SUCO: variants seen among roughly 807,000 people sequenced by gnomAD.
SUCO encodes the protein SUN domain containing ossification factor.
A neutral mutation model predicts 148.1 loss-of-function variants in SUCO; 57 were observed. The observed-to-expected ratio is 0.38, with a 90% CI of 0.31 to 0.48. SUCO has a LOEUF of 0.48. Among genes scored for constraint, SUCO ranks in the 20% least tolerant of loss-of-function variants. The pLI is 0.96. For synonymous variants in SUCO, 470 were observed against 502.7 expected (o/e 0.93, Z 0.87); for missense variants, 1,331 against 1,468.2 (o/e 0.91, Z 1.53).
intron 1 of SUCO, among the ~76,000 whole-genome samples, chr1:172,539,985 T>A (rs188702855): frequency 9.8e-5 from 15 of 152,364 alleles, no homozygotes; most frequent in Admixed American, 7.2e-4. Context: ...TTTCTTTTCA[T>A]TGTTAATATG....
At chr1:172,608,696 A>T (rs1395875229) in intron 22 of SUCO, 51 bp from the exon 23 acceptor site, 2 of 1,254,790 alleles carry the variant, frequency 1.6e-6, no homozygotes, top group African/African-American at 3.1e-5. Context: ...TAGCAAATCC[A>T]CCAAATCCAC....
intron 7 of SUCO, among the ~76,000 whole-genome samples, chr1:172,569,737 T>C (rs1471397746): frequency 2.0e-5 from 3 of 152,064 alleles, no homozygotes; most frequent in Non-Finnish European, 4.4e-5. Context: ...ACATCCTTAA[T>C]AGATGTTTAT....
chr1:172,573,645 TTA>T (rs1491343535), intron 9 of SUCO, among the ~76,000 whole-genome samples: 6 of 152,066 alleles, frequency 3.9e-5, no homozygotes, highest in African/African-American at 1.2e-4. Context: ...AAAGGAATTT[TTA>T]AAAAAAAATG....
At position 172,589,355 on chromosome 1, in the gene SUCO, T is replaced by C. The variant is rs762490565; in HGVS notation, c.2254T>C (p.Ser752Pro). 3 of 1,613,640 alleles carry C rather than the reference T, an allele frequency of 1.9e-6. No individual in the cohort carries two copies. The highest frequency in any genetic ancestry group is 2.2e-5 in the South Asian group (2 of 91,054). The change falls in exon 18 of 24, where the codon TCT (serine) becomes CCT (proline). Residue 752 changes from serine to proline, a missense_variant. Physicochemically the swap from Ser to Pro is moderately conservative, Grantham distance 74 (BLOSUM62 -1). This residue lies in a region of SUCO where 992 missense variants were observed against 1,093.5 expected (regional missense o/e 0.91). Transcript: ENST00000263688. Reference protein sequence around the residue: ...NPLPKIEVSESVEYEAGHIPS... With the variant: ...NPLPKIEVSEPVEYEAGHIPS... ...CTTGCCTAAAATAGAAGTATCTGAG[T>C]CTGTTGAATATGAGGCAGGACATAT... is the stretch of plus-strand genomic sequence containing the variant.
intron 19 of SUCO, 31 bp downstream of exon 19, chr1:172,591,102 A>G: frequency 1.3e-6 from 2 of 1,534,620 alleles, no homozygotes; most frequent in African/African-American, 1.4e-5. Context: ...TTTACTTTTT[A>G]TATAAATTTC....
chr1:172,588,360 G>A (rs1430909216), intron 17 of SUCO: 2 of 985,158 alleles, frequency 2.0e-6, no homozygotes, highest in East Asian at 2.3e-4. Flanking sequence ...TATTAAGCTA[G>A]CTCTTAGTTG....
At chr1:172,597,540 GTAGA>G (rs1348540628) in intron 19 of SUCO, among the ~76,000 whole-genome samples, 1 of 151,984 alleles carries the variant, frequency 6.6e-6, no homozygotes, top group Non-Finnish European at 1.5e-5. Flanking sequence ...TTTTTTTAAT[GTAGA>G]TAATCTTATT....
chr1:172,556,711 C>T lies in SUCO; in HGVS notation c.444-569C>T. 4 of 984,790 alleles carry T rather than the reference C, an allele frequency of 4.1e-6. No individual in the cohort carries two copies. In the South Asian group the frequency reaches 1.9e-4, roughly 46 times the overall value. 61.0% of individuals were successfully genotyped at this position (984,790 alleles called of 1,614,324 possible). On this transcript the variant is annotated intron_variant, in intron 4 of 23. Transcript: ENST00000263688. Reference sequence around the variant, plus strand: ...ATTTAGAAGCTTGTCTCAGTATGGGCCAGGGAACAGAAGACATGTTGAGAA... The same window carrying T: ...ATTTAGAAGCTTGTCTCAGTATGGGTCAGGGAACAGAAGACATGTTGAGAA...
At chr1:172,564,154 G>A (rs183755767) in intron 6 of SUCO, among the ~76,000 whole-genome samples, 265 of 152,390 alleles carry the variant, frequency 1.7e-3, no homozygotes, top group Non-Finnish European at 3.2e-3. Flanking sequence ...GGACAGAGCC[G>A]TCATGGAGAA....
At chr1:172,546,188 C>G (rs1652844157) in intron 1 of SUCO, among the ~76,000 whole-genome samples, 1 of 152,080 alleles carries the variant, frequency 6.6e-6, no homozygotes. Flanking sequence ...TTTGTCCATA[C>G]TCTTGGATTA....
chr1:172,557,860 T>A, intron 6 of SUCO, 66 bp downstream of exon 6: 1 of 1,246,984 alleles, frequency 8.0e-7, no homozygotes, highest in Non-Finnish European at 1.1e-6. Context: ...TAGCTAAGCT[T>A]ATAATAATTT....
upstream of SUCO, chr1:172,532,831 A>C: frequency 3.8e-6 from 6 of 1,564,290 alleles, no homozygotes; most frequent in Non-Finnish European, 5.2e-6. Flanking sequence ...GCTGAGGATC[A>C]CTGGGCTCCT....
chr1:172,562,327 A>ATTTTTTTTTTTTTTTTTTTTTTTT (rs34871543), intron 6 of SUCO, among the ~76,000 whole-genome samples: 10 of 137,706 alleles, frequency 7.3e-5, no homozygotes, highest in Non-Finnish European at 1.1e-4. Flanking sequence ...GGGTTTTAAC[A>ATTTTTTTTTTTTTTTTTTTTTTTT]TTTTTTTTTT....
Position 172,570,759 on chromosome 1 carries a change from A to T in SUCO, c.1049+29A>T, listed in dbSNP as rs764843354. 3.1e-6 allele frequency: 4 copies of T among 1,306,982 alleles called. No individual in the cohort carries two copies. The Admixed American group carries it at 7.0e-5, about 23-fold the overall frequency. 81.0% of individuals were successfully genotyped at this position (1,306,982 alleles called of 1,614,324 possible). ...AGTTATACACAATTTTAAAAAGTACATTCTACATATATATGCATATTATGT... is the reference window on the plus strand; with the variant it reads ...AGTTATACACAATTTTAAAAAGTACTTTCTACATATATATGCATATTATGT... On this transcript the variant is annotated intron_variant, in intron 9 of 23. Coordinates refer to ENST00000263688, the MANE Select transcript of SUCO (RefSeq NM_014283.5).
intron 15 of SUCO, 26 bp from the exon 16 acceptor site, chr1:172,584,992 C>A: frequency 1.4e-6 from 2 of 1,476,478 alleles, no homozygotes; most frequent in Admixed American, 1.8e-5. Flanking sequence ...GTATTTGGTA[C>A]TTTTTCTGAT....
chr1:172,533,815 C>T (rs895478091), intron 1 of SUCO, among the ~76,000 whole-genome samples: 1 of 152,108 alleles, frequency 6.6e-6, no homozygotes, highest in African/African-American at 2.4e-5. Context: ...GGTGGGTGTT[C>T]AGATTGATGG....
At chr1:172,609,374 C>A in intron 23 of SUCO, 6 of 976,442 alleles carry the variant, frequency 6.1e-6, no homozygotes, top group Non-Finnish European at 7.3e-6. Flanking sequence ...AGGCAAATAG[C>A]CTAAGATTCA....
In SUCO at chr1:172,609,971, A is replaced by G; in HGVS notation, c.3477A>G (p.Lys1159=). 1 of 1,613,978 alleles carries G rather than the reference A, an allele frequency of 6.2e-7. No homozygotes were observed. Among genetic ancestry groups the G allele is most frequent in the South Asian group, 1.1e-5 (1 of 91,082 alleles). ...NMGEVYHSSY[K]GPPSEGSSET... ...GAGAAGTTTATCACTCTTCTTATAA[A>G]GGTCCTCCATCTGAAGGAAGCTCAG... The change falls in exon 24 of 24, where the codon AAA becomes AAG. Residue 1159 remains lysine (K), a synonymous_variant. Coordinates refer to ENST00000263688, the MANE Select transcript of SUCO (RefSeq NM_014283.5).
chr1:172,590,006 G>A lies in SUCO; in HGVS notation c.2825+80G>A, dbSNP rs1263341758. On this transcript the variant is annotated intron_variant, in intron 18 of 23. Coordinates refer to ENST00000263688, the MANE Select transcript of SUCO (RefSeq NM_014283.5). Reference sequence around the variant, plus strand: ...TAGAGTATGACCTGTGATTACAGGAGAGGATTTAATTATCTCATGATATAA... The same window carrying A: ...TAGAGTATGACCTGTGATTACAGGAAAGGATTTAATTATCTCATGATATAA... The A allele has an allele frequency of 9.2e-6, 11 of 1,194,668 alleles. No individual in the cohort carries two copies. The South Asian group carries it at 2.6e-4, about 28-fold the overall frequency. The allele number at this position is 1,194,668 out of a possible 1,614,324, so 74.0% of individuals were successfully genotyped here. A position where few individuals can be genotyped will look rare whatever the true frequency, so the allele number is the denominator to read the frequency against.
Sources: gnomAD v4.1 joint callset for allele counts (sites outside exome capture counted in the v4.1 genomes callset) on GRCh38, gnomAD v4.1.1 for gene constraint, gnomAD v4.1.1 regional missense constraint, MANE v1.5 for transcripts, NCBI Gene and HGNC (gene_info 2026-07-23, HGNC 2026-07-21) for gene names.